The following LRP1B variants were observed in gnomAD, a reference collection of about 807,000 sequenced individuals.
LRP1B encodes LDL receptor related protein 1B, also known as low-density lipoprotein receptor-related protein 1B.
A neutral mutation model predicts 556.6 loss-of-function variants in LRP1B; 217 were observed. The observed-to-expected ratio is 0.39, with a 90% CI of 0.35 to 0.44. The LOEUF (loss-of-function observed/expected upper bound fraction) is 0.44. LRP1B is among the 20% of genes least tolerant of loss of function. The probability of loss-of-function intolerance (pLI) is 1.00; values close to 1 mark genes in which losing one functional copy is unlikely to be tolerated. For missense variants in LRP1B, 5,053 were observed against 5,620.8 expected (o/e 0.90, Z 3.23); for synonymous variants, 2,047 against 1,865.8 (o/e 1.10, Z -2.50).
chr2:140,659,884 T>C (rs569362146), intron 41 of LRP1B, among the ~76,000 whole-genome samples: 4 of 151,908 alleles, frequency 2.6e-5, no homozygotes, highest in Non-Finnish European at 5.9e-5. Flanking sequence ...ATTTGGGGAG[T>C]AACACATTGA....
rs201270749 is a variant in LRP1B at position 140,851,044 on chromosome 2, A to G, written c.4711+608T>C. 7.2e-5 allele frequency among the ~76,000 whole-genome samples: 11 copies of G among 152,162 alleles called. No individual in the cohort carries two copies. The East Asian group carries it at 1.7e-3, about 24-fold the overall frequency. ...TCCTGACTTTTAAATTTTGGTGAGT[A>G]CTTTTTTTCTGTCCTTAAAATTAAG... On this transcript the variant is annotated intron_variant, in intron 28 of 90. Coordinates refer to ENST00000389484, the MANE Select transcript of LRP1B (RefSeq NM_018557.3).
intron 66 of LRP1B, among the ~76,000 whole-genome samples, chr2:140,412,230 A>G (rs1234029697): frequency 6.6e-6 from 1 of 152,074 alleles, no homozygotes; most frequent in Non-Finnish European, 1.5e-5. Context: ...AACTCTAGAC[A>G]TTTCTCAATG....
intron 13 of LRP1B, among the ~76,000 whole-genome samples, chr2:141,013,981 C>A (rs962121477): frequency 1.3e-5 from 2 of 152,000 alleles, no homozygotes; most frequent in Non-Finnish European, 2.9e-5. Flanking sequence ...TATTATTAAA[C>A]CATCTATTTT....
intron 7 of LRP1B, among the ~76,000 whole-genome samples, chr2:141,086,618 TTGTGTGTGTGTGTG>T (rs10608029): frequency 6.5e-4 from 96 of 148,022 alleles, no homozygotes; most frequent in East Asian, 1.6e-3. Context: ...AGTATAATAT[TTGTGTGTGTGTGTG>T]TGTGTGTGTG....
intron 7 of LRP1B, among the ~76,000 whole-genome samples, chr2:141,147,358 C>T (rs1701811066): frequency 6.6e-6 from 1 of 152,218 alleles, no homozygotes; most frequent in South Asian, 2.1e-4. Flanking sequence ...GATACAAGAG[C>T]TGATTTTAGA....
chr2:141,021,372 C>T (rs1698059568), intron 11 of LRP1B, among the ~76,000 whole-genome samples: 1 of 138,292 alleles, frequency 7.2e-6, no homozygotes, highest in African/African-American at 2.6e-5. Context: ...CTGAAAATTC[C>T]ATTACAGTGA....
intron 41 of LRP1B, among the ~76,000 whole-genome samples, chr2:140,633,900 A>G (rs1470426721): frequency 6.6e-6 from 1 of 152,140 alleles, no homozygotes; most frequent in Non-Finnish European, 1.5e-5. Flanking sequence ...ATTTTATACA[A>G]CGTCTTCCAG....
At chr2:140,789,922 G>A (rs949800252) in intron 32 of LRP1B, among the ~76,000 whole-genome samples, 5 of 152,082 alleles carry the variant, frequency 3.3e-5, no homozygotes, top group African/African-American at 4.8e-5. Flanking sequence ...GAGCCACCGC[G>A]CCCGGCCAAG....
At chr2:140,978,746 C>G (rs1266216756) in intron 18 of LRP1B, among the ~76,000 whole-genome samples, 2 of 152,074 alleles carry the variant, frequency 1.3e-5, no homozygotes, top group Non-Finnish European at 2.9e-5. Flanking sequence ...TTTTAAATAA[C>G]AATCTGAAAG....
At position 140,234,108 on chromosome 2, in the gene LRP1B, TA is replaced by T. The variant is rs1385209239; in HGVS notation, c.13659+677del. Among the ~76,000 whole-genome samples the T allele has an allele frequency of 5.3e-5, 8 of 151,488 alleles. No individual in the cohort carries two copies. In the Admixed American group the frequency reaches 5.3e-4, roughly 10 times the overall value. On this transcript the variant is annotated intron_variant, in intron 90 of 90. Coordinates refer to ENST00000389484, the MANE Select transcript of LRP1B (RefSeq NM_018557.3). ...TTTCCAAAAACAGTACATTAAATCTTAGTTACAACAAGGAAACATTATAATC... is the reference window on the plus strand; with the variant it reads ...TTTCCAAAAACAGTACATTAAATCTTGTTACAACAAGGAAACATTATAATC...
At chr2:140,652,191 T>C (rs775867763) in intron 41 of LRP1B, among the ~76,000 whole-genome samples, 23 of 151,484 alleles carry the variant, frequency 1.5e-4, no homozygotes, top group Non-Finnish European at 3.2e-4. Context: ...TTAAAATCTA[T>C]AATTGATACA....
chr2:141,666,946 C>G (rs898563702), intron 2 of LRP1B, among the ~76,000 whole-genome samples: 5 of 152,144 alleles, frequency 3.3e-5, no homozygotes, highest in Non-Finnish European at 5.9e-5. Flanking sequence ...AAGTTTTGCA[C>G]TGCTGCCCTC....
chr2:140,858,512 GAGA>G (rs1036405117), intron 27 of LRP1B, among the ~76,000 whole-genome samples: 17 of 149,780 alleles, frequency 1.1e-4, no homozygotes, highest in African/African-American at 4.2e-4. Context: ...GAGAGAGAGA[GAGA>G]GAGAGAGAGA....
intron 41 of LRP1B, among the ~76,000 whole-genome samples, chr2:140,671,624 G>A (rs1410179414): frequency 2.6e-5 from 4 of 151,980 alleles, no homozygotes; most frequent in Admixed American, 6.6e-5. Context: ...TGCATTACTC[G>A]CACATCTGTT....
chr2:141,307,052 G>A (rs1210977803), intron 3 of LRP1B, among the ~76,000 whole-genome samples: 1 of 152,110 alleles, frequency 6.6e-6, no homozygotes, highest in East Asian at 1.9e-4. Flanking sequence ...TGTTCCACAT[G>A]CTGACGGGGA....
chr2:140,774,918 C>T (rs989484243), intron 33 of LRP1B, among the ~76,000 whole-genome samples: 2 of 151,978 alleles, frequency 1.3e-5, no homozygotes, highest in East Asian at 3.9e-4. Context: ...TCAGGTTATA[C>T]GTTCTCAGGT....
At chr2:140,402,349 G>A (rs1684542011) in intron 66 of LRP1B, among the ~76,000 whole-genome samples, 1 of 152,174 alleles carries the variant, frequency 6.6e-6, no homozygotes. Flanking sequence ...CTCATGAAGA[G>A]TCTTGGAGAA....
intron 7 of LRP1B, among the ~76,000 whole-genome samples, chr2:141,145,331 TAA>T (rs1156708619): frequency 6.6e-6 from 1 of 152,096 alleles, no homozygotes; most frequent in African/African-American, 2.4e-5. Context: ...ATACTGTATA[TAA>T]GTGTACACTG....
intron 33 of LRP1B, among the ~76,000 whole-genome samples, chr2:140,772,116 T>C (rs1817625): frequency 0.22 from 33,030 of 152,140 alleles, 3,916 homozygotes; most frequent in South Asian, 0.3. Flanking sequence ...AAATCCATTT[T>C]ATGTAGGGCC....
Sources: allele counts gnomAD v4.1 joint callset (sites outside exome capture counted in the v4.1 genomes callset), GRCh38; gene constraint gnomAD v4.1.1; transcripts MANE v1.5; gene names NCBI Gene and HGNC (gene_info 2026-07-23, HGNC 2026-07-21).